The following MOB3B variants were observed in gnomAD, a reference collection of about 807,000 sequenced individuals.
The protein encoded by MOB3B is MOB kinase activator-like 2B.
MOB3B carries 7 observed loss-of-function variants against 18.7 expected under a neutral mutation model. That is an observed-to-expected ratio of 0.37 (90% confidence interval 0.21 to 0.70). The LOEUF is 0.70. Among genes scored for constraint, MOB3B ranks in the 30% least tolerant of loss-of-function variants. The pLI, the probability that MOB3B is intolerant of heterozygous loss-of-function variation, is 0.52. For synonymous variants in MOB3B, 111 were observed against 99.9 expected, an observed-to-expected ratio of 1.11 and a Z score of -0.66; for missense variants, 253 against 281.3, an observed-to-expected ratio of 0.90 and a Z score of 0.72.
intron 2 of MOB3B, among the ~76,000 whole-genome samples, chr9:27,374,723 C>G (rs1821467364): frequency 6.6e-6 from 1 of 152,168 alleles, no homozygotes; most frequent in Non-Finnish European, 1.5e-5. Flanking sequence ...AAACTGGAAA[C>G]TATAACACAA....
chr9:27,396,245 T>A (rs1269447972), intron 2 of MOB3B, among the ~76,000 whole-genome samples: 1 of 152,222 alleles, frequency 6.6e-6, no homozygotes. Flanking sequence ...CTTATTTTCT[T>A]GTTCAAGAAA....
chr9:27,362,577 T>C (rs1437404471), intron 2 of MOB3B, among the ~76,000 whole-genome samples: 1 of 152,050 alleles, frequency 6.6e-6, no homozygotes, highest in Non-Finnish European at 1.5e-5. Context: ...CTCCCTCCCA[T>C]GTAATTCATT....
intron 2 of MOB3B, among the ~76,000 whole-genome samples, chr9:27,375,213 C>T (rs1563853279): frequency 1.3e-5 from 2 of 152,206 alleles, no homozygotes; most frequent in Non-Finnish European, 2.9e-5. Context: ...CTTTGAGTAC[C>T]TCATACTTGC....
intron 2 of MOB3B, among the ~76,000 whole-genome samples, chr9:27,389,402 G>T (rs866387806): frequency 3.5e-5 from 3 of 85,484 alleles, no homozygotes; most frequent in African/African-American, 1.8e-4. Context: ...AGCCAAATGG[G>T]CTTCTTTCCA....
intron 3 of MOB3B, among the ~76,000 whole-genome samples, chr9:27,343,378 C>G (rs191925459): frequency 5.8e-4 from 87 of 150,732 alleles, no homozygotes; most frequent in African/African-American, 2.1e-3. Context: ...ACCAGAGACC[C>G]TTGTTCACAT....
At chr9:27,407,001 G>A (rs1237218098) in intron 2 of MOB3B, among the ~76,000 whole-genome samples, 2 of 152,010 alleles carry the variant, frequency 1.3e-5, no homozygotes, top group Admixed American at 1.3e-4. Flanking sequence ...ACCATGCCTG[G>A]CTAATTTTTG....
chr9:27,482,897 A>T (rs145616984), intron 1 of MOB3B, among the ~76,000 whole-genome samples: 191 of 152,326 alleles, frequency 1.3e-3, no homozygotes, highest in East Asian at 5.8e-3. Context: ...AGAGAAATGA[A>T]GCCAGGATAA....
At chr9:27,370,534 G>T (rs969763768) in intron 2 of MOB3B, among the ~76,000 whole-genome samples, 3 of 151,370 alleles carry the variant, frequency 2.0e-5, no homozygotes. Flanking sequence ...AAAAAAAGAG[G>T]GTCCTTTTTC....
intron 1 of MOB3B, among the ~76,000 whole-genome samples, chr9:27,465,900 G>C (rs574555112): frequency 6.6e-5 from 10 of 152,234 alleles, no homozygotes; most frequent in Non-Finnish European, 1.5e-4. Flanking sequence ...TCCTGGGACC[G>C]GCCCACAAAA....
chr9:27,335,006 G>A (rs2131332730), intron 3 of MOB3B, among the ~76,000 whole-genome samples: 1 of 152,216 alleles, frequency 6.6e-6, no homozygotes, highest in East Asian at 1.9e-4. Context: ...TGTATTTTTA[G>A]TAGTTAGCCA....
At chr9:27,527,752 G>A (rs1244032888) in intron 1 of MOB3B, among the ~76,000 whole-genome samples, 1 of 152,226 alleles carries the variant, frequency 6.6e-6, no homozygotes, top group Non-Finnish European at 1.5e-5. Context: ...GTTCTAACAG[G>A]TGCACAGTCT....
chr9:27,377,547 C>T (rs542537455), intron 2 of MOB3B, among the ~76,000 whole-genome samples: 21 of 152,152 alleles, frequency 1.4e-4, no homozygotes, highest in Non-Finnish European at 2.2e-4. Context: ...CTGGAGTGCT[C>T]ACTGAACACA....
intron 1 of MOB3B, among the ~76,000 whole-genome samples, chr9:27,496,628 A>C (rs1444890582): frequency 6.6e-6 from 1 of 152,228 alleles, no homozygotes; most frequent in Non-Finnish European, 1.5e-5. Flanking sequence ...ATTCCATTTA[A>C]AATAGGGAAA....
At chr9:27,431,663 G>T (rs1355983879) in intron 2 of MOB3B, among the ~76,000 whole-genome samples, 1 of 152,214 alleles carries the variant, frequency 6.6e-6, no homozygotes, top group Non-Finnish European at 1.5e-5. Context: ...TCCCCTTCCA[G>T]TCTGCTTTTA....
chr9:27,476,025 C>T (rs1016179685), intron 1 of MOB3B, among the ~76,000 whole-genome samples: 1 of 152,206 alleles, frequency 6.6e-6, no homozygotes, highest in African/African-American at 2.4e-5. Context: ...AGAATAAAAA[C>T]AAATGTTGCT....
chr9:27,459,961 T>C (rs1004922978), intron 1 of MOB3B, among the ~76,000 whole-genome samples: 1 of 151,446 alleles, frequency 6.6e-6, no homozygotes, highest in Non-Finnish European at 1.5e-5. Flanking sequence ...ACTGCACCCA[T>C]GACAATTCTG....
intron 2 of MOB3B, among the ~76,000 whole-genome samples, chr9:27,361,320 C>T (rs926464221): frequency 6.6e-6 from 1 of 152,098 alleles, no homozygotes; most frequent in African/African-American, 2.4e-5. Context: ...CTCTCTCTTC[C>T]CAGGTTAGAG....
intron 2 of MOB3B, among the ~76,000 whole-genome samples, chr9:27,360,074 A>G (rs1185436180): frequency 2.6e-5 from 4 of 152,364 alleles, no homozygotes; most frequent in African/African-American, 9.6e-5. Flanking sequence ...AAGAGCGGTC[A>G]TAATAAGGTC....
At chr9:27,394,558 A>G (rs1821774630) in intron 2 of MOB3B, among the ~76,000 whole-genome samples, 1 of 152,238 alleles carries the variant, frequency 6.6e-6, no homozygotes, top group Non-Finnish European at 1.5e-5. Flanking sequence ...AACTGTGTCC[A>G]GAAGGAGGCT....
Sources: gnomAD v4.1 joint callset for allele counts (sites outside exome capture counted in the v4.1 genomes callset) on GRCh38, gnomAD v4.1.1 for gene constraint, MANE v1.5 for transcripts, NCBI Gene and HGNC (gene_info 2026-07-23, HGNC 2026-07-21) for gene names.